Variants in C12orf42 observed in about 807,000 individuals in gnomAD.
C12orf42 encodes chromosome 12 open reading frame 42.
Under a neutral mutation model 21.6 loss-of-function variants are expected in C12orf42, and 25 were observed. That is an observed-to-expected ratio of 1.16 (90% confidence interval 0.84 to 1.62). The LOEUF is 1.62. C12orf42 is among the 40% of genes most tolerant of loss of function. C12orf42 has a pLI of 0.00. For synonymous variants in C12orf42, 174 were observed against 175.0 expected (o/e 0.99, Z 0.05); for missense variants, 483 against 459.3 (o/e 1.05, Z -0.47).
At chr12:103,480,668 G>A (rs10861024) in intron 1 of C12orf42, among the ~76,000 whole-genome samples, 1 of 151,296 alleles carries the variant, frequency 6.6e-6, no homozygotes, top group African/African-American at 2.4e-5. Context: ...ATTTTGATTC[G>A]TTAACCCATA....
the C12orf42 span, among the ~76,000 whole-genome samples, chr12:103,116,381 A>AAAAAATATAT: frequency 7.3e-6 from 1 of 136,712 alleles, no homozygotes; most frequent in African/African-American, 2.7e-5. Flanking sequence ...AAAAAAAAAA[A>AAAAAATATAT]ATATATATAT....
intron 3 of C12orf42, among the ~76,000 whole-genome samples, chr12:103,371,316 T>C (rs1407522222): frequency 1.3e-5 from 2 of 152,072 alleles, no homozygotes; most frequent in African/African-American, 2.4e-5. Context: ...TTTCCATTAC[T>C]GTGGATCAAG....
the C12orf42 span, among the ~76,000 whole-genome samples, chr12:103,174,531 A>C: frequency 2.0e-5 from 3 of 150,888 alleles, no homozygotes; most frequent in Non-Finnish European, 4.5e-5. Flanking sequence ...CCCAGGTCAC[A>C]CAGCTGTTAG....
chr12:103,139,113 A>G, the C12orf42 span, among the ~76,000 whole-genome samples: 1 of 152,116 alleles, frequency 6.6e-6, no homozygotes, highest in African/African-American at 2.4e-5. Flanking sequence ...AACAAACAAA[A>G]AGAAATAATA....
At chr12:103,050,466 T>C in the C12orf42 span, among the ~76,000 whole-genome samples, 1 of 152,174 alleles carries the variant, frequency 6.6e-6, no homozygotes, top group Non-Finnish European at 1.5e-5. Context: ...GCTTCTTATC[T>C]GTTGTAGGCT....
intron 3 of C12orf42, among the ~76,000 whole-genome samples, chr12:103,382,647 G>A (rs564627093): frequency 3.3e-5 from 5 of 152,150 alleles, no homozygotes; most frequent in Admixed American, 6.5e-5. Flanking sequence ...TAAAGAGCAC[G>A]GTGCCTATTT....
chr12:103,096,525 G>A, the C12orf42 span, among the ~76,000 whole-genome samples: 31 of 152,142 alleles, frequency 2.0e-4, no homozygotes, highest in Non-Finnish European at 4.1e-4. Flanking sequence ...ACTTACTAAC[G>A]TATGATTTTA....
chr12:103,313,696 CGTT>C (rs974286516), intron 4 of C12orf42, among the ~76,000 whole-genome samples: 1 of 152,296 alleles, frequency 6.6e-6, no homozygotes, highest in South Asian at 2.1e-4. Context: ...CTGTTATTAT[CGTT>C]GTTGTTATTA....
rs534670533 is a variant in C12orf42 at position 103,293,427 on chromosome 12, A to G, written n.338-16217T>C. 7.7e-4 allele frequency among the ~76,000 whole-genome samples: 117 copies of G among 152,224 alleles called. 1 individual carries two copies. In the South Asian group the frequency reaches 0.024, roughly 31 times the overall value. Reference sequence around the variant, plus strand: ...AAATGTATAAGCTTCAGGTACCACGAAAGTTGATCAGTCCCTGGTTGCTAC... The same window carrying G: ...AAATGTATAAGCTTCAGGTACCACGGAAGTTGATCAGTCCCTGGTTGCTAC... On this transcript the variant is annotated intron_variant and non_coding_transcript_variant, in intron 4 of 6. Coordinates refer to the C12orf42 transcript ENST00000546526.
At chr12:103,435,052 C>G (rs1185164084) in intron 2 of C12orf42, among the ~76,000 whole-genome samples, 1 of 152,180 alleles carries the variant, frequency 6.6e-6, no homozygotes, top group African/African-American at 2.4e-5. Flanking sequence ...AGCTGGAGAT[C>G]TGAGAACAGG....
the C12orf42 span, among the ~76,000 whole-genome samples, chr12:103,087,913 T>A: frequency 2.0e-5 from 3 of 152,268 alleles, no homozygotes; most frequent in African/African-American, 7.2e-5. Context: ...CTAGAACCCA[T>A]TATTATCTCT....
At chr12:103,136,086 TG>T in the C12orf42 span, among the ~76,000 whole-genome samples, 3 of 152,104 alleles carry the variant, frequency 2.0e-5, no homozygotes, top group Non-Finnish European at 2.9e-5. Context: ...CCATCCAAAT[TG>T]GGAAAGAGGA....
the C12orf42 span, among the ~76,000 whole-genome samples, chr12:103,089,101 CAA>C: frequency 3.6e-5 from 2 of 54,846 alleles, no homozygotes; most frequent in Non-Finnish European, 6.2e-5. Flanking sequence ...GACTCCATCT[CAA>C]AAAAAAAAAA....
intron 4 of C12orf42, among the ~76,000 whole-genome samples, chr12:103,295,371 G>C (rs1358955422): frequency 1.3e-5 from 2 of 151,804 alleles, no homozygotes; most frequent in East Asian, 3.9e-4. Context: ...TAAATTGGAG[G>C]TTCTTCATGG....
At position 103,302,257 on chromosome 12, in the gene C12orf42, G is replaced by A. The variant is rs1222458305; in HGVS notation, c.934C>T (p.Leu312Phe). Residue 312 changes from leucine (L) to phenylalanine (F), a missense_variant, in exon 6 of 6, where the codon CTT (leucine) becomes TTT (phenylalanine). Physicochemically the swap from Leu to Phe is conservative, Grantham distance 22. Transcript: ENST00000548883. ...SLHGNLAGAP[L>F]PLLAGASTHF... is the part of the protein sequence containing the mutation. ...GTGGAAGCACCGGCCAGCAGAGGAA[G>A]GGGCGCTCCTGCCAGATTGCCATGG... 6.8e-6 allele frequency: 11 copies of A among 1,612,136 alleles called. No homozygotes were observed. The highest frequency in any genetic ancestry group is 9.3e-6 in the Non-Finnish European group (11 of 1,178,806).
chr12:103,074,929 A>G, the C12orf42 span, among the ~76,000 whole-genome samples: 5 of 151,516 alleles, frequency 3.3e-5, no homozygotes, highest in African/African-American at 1.2e-4. Context: ...CTACAAAAAT[A>G]ATAAAAAAAA....
chr12:103,218,816 G>A, the C12orf42 span, among the ~76,000 whole-genome samples: 4 of 152,094 alleles, frequency 2.6e-5, no homozygotes, highest in Non-Finnish European at 5.9e-5. Flanking sequence ...TACAGAATGA[G>A]AATTGCAAAA....
chr12:103,434,969 C>T (rs554687599), intron 2 of C12orf42, among the ~76,000 whole-genome samples: 1 of 152,222 alleles, frequency 6.6e-6, no homozygotes, highest in Non-Finnish European at 1.5e-5. Context: ...AACAAAAAGA[C>T]AGCAGTAACC....
At chr12:103,208,190 T>C in the C12orf42 span, among the ~76,000 whole-genome samples, 1 of 152,158 alleles carries the variant, frequency 6.6e-6, no homozygotes, top group East Asian at 1.9e-4. Flanking sequence ...AATGGGAAAT[T>C]ATTTGCACAA....
Sources: allele counts gnomAD v4.1 joint callset (sites outside exome capture counted in the v4.1 genomes callset), GRCh38; gene constraint gnomAD v4.1.1; transcripts MANE v1.5; gene names NCBI Gene and HGNC (gene_info 2026-07-23, HGNC 2026-07-21).